Variants in CCDC7 observed in about 807,000 individuals in gnomAD.
CCDC7 encodes coiled-coil domain-containing protein 7.
A neutral mutation model predicts 196.9 loss-of-function variants in CCDC7; 183 were observed. The ratio of observed to expected loss-of-function variants is 0.93; its 90% CI spans 0.82 to 1.05. The LOEUF is 1.05. Ranked by LOEUF, CCDC7 falls within the 50% of genes least tolerant of loss-of-function variation. CCDC7 has a pLI of 0.00. For missense variants in CCDC7, 1,540 were observed against 1,482.2 expected, an observed-to-expected ratio of 1.04 and a Z score of -0.64; for synonymous variants, 525 against 484.6, an observed-to-expected ratio of 1.08 and a Z score of -1.10.
chr10:32,550,025 T>C (rs1347453773), intron 13 of CCDC7, among the ~76,000 whole-genome samples: 1 of 152,176 alleles, frequency 6.6e-6, no homozygotes, highest in East Asian at 1.9e-4. Context: ...TTTCACAATA[T>C]TGATTCCACC....
chr10:32,876,631 A>G (rs781234236), downstream of CCDC7: 187 of 365,730 alleles, frequency 5.1e-4, 1 homozygote, highest in Non-Finnish European at 5.8e-4. Context: ...TCAATTTTAA[A>G]GAAGTTATGC....
chr10:32,598,611 C>T (rs1427008559), intron 18 of CCDC7, among the ~76,000 whole-genome samples: 2 of 152,178 alleles, frequency 1.3e-5, no homozygotes, highest in African/African-American at 4.8e-5. Flanking sequence ...CCTATTCAGC[C>T]ATCTTGGTGC....
At chr10:32,720,685 A>G (rs1176426283) in intron 25 of CCDC7, among the ~76,000 whole-genome samples, 1 of 152,126 alleles carries the variant, frequency 6.6e-6, no homozygotes, top group African/African-American at 2.4e-5. Flanking sequence ...TGTGGCATTC[A>G]GTGCACTTTC....
intron 33 of CCDC7, among the ~76,000 whole-genome samples, chr10:32,844,969 T>C (rs2093194922): frequency 1.3e-5 from 2 of 151,804 alleles, no homozygotes; most frequent in Non-Finnish European, 3.0e-5. Context: ...TCTTAGCAGA[T>C]GCTATTGGAA....
chr10:32,703,489 A>T (rs564660289), intron 24 of CCDC7, among the ~76,000 whole-genome samples: 8 of 151,946 alleles, frequency 5.3e-5, no homozygotes, highest in South Asian at 2.1e-4. Context: ...GACAATTATG[A>T]GTCTTGGAGT....
intron 28 of CCDC7, among the ~76,000 whole-genome samples, chr10:32,732,751 A>T (rs2084199068): frequency 6.6e-6 from 1 of 151,956 alleles, no homozygotes; most frequent in South Asian, 2.1e-4. Flanking sequence ...ACCTTCCCCC[A>T]CCTACATGTA....
intron 20 of CCDC7, among the ~76,000 whole-genome samples, chr10:32,647,379 C>T (rs981808224): frequency 3.3e-5 from 5 of 151,004 alleles, no homozygotes; most frequent in East Asian, 2.0e-4. Flanking sequence ...TGTAGAAGCA[C>T]GTACCTGTAA....
At chr10:32,823,705 T>C (rs920848596) in intron 31 of CCDC7, among the ~76,000 whole-genome samples, 14 of 152,326 alleles carry the variant, frequency 9.2e-5, no homozygotes, top group Admixed American at 9.2e-4. Flanking sequence ...TTATCTGTTT[T>C]TCAATATGAA....
intron 11 of CCDC7, among the ~76,000 whole-genome samples, chr10:32,522,198 G>A (rs1458653929): frequency 2.0e-5 from 3 of 152,174 alleles, no homozygotes; most frequent in Non-Finnish European, 4.4e-5. Flanking sequence ...TGTAGAATGA[G>A]TTTGGAAGTA....
intron 18 of CCDC7, among the ~76,000 whole-genome samples, chr10:32,612,528 C>A (rs1314559166): frequency 6.6e-6 from 1 of 152,070 alleles, no homozygotes; most frequent in Non-Finnish European, 1.5e-5. Flanking sequence ...CAGTTTTTGC[C>A]CATTCAGTAT....
intron 13 of CCDC7, among the ~76,000 whole-genome samples, chr10:32,564,197 T>C (rs1219545313): frequency 4.1e-4 from 62 of 152,314 alleles, no homozygotes; most frequent in Non-Finnish European, 4.4e-5. Context: ...TTTTACACTG[T>C]TGGTGGGACT....
intron 18 of CCDC7, among the ~76,000 whole-genome samples, chr10:32,615,522 G>A (rs1564835436): frequency 6.6e-6 from 1 of 151,600 alleles, no homozygotes; most frequent in African/African-American, 2.4e-5. Context: ...CCTTTTAAAT[G>A]TTTTTTTTCT....
chr10:32,674,322 C>A (rs113497375), intron 21 of CCDC7, among the ~76,000 whole-genome samples: 24 of 151,644 alleles, frequency 1.6e-4, no homozygotes, highest in African/African-American at 5.8e-4. Flanking sequence ...TTCTAATTTC[C>A]CTTTTGATTT....
At chr10:32,679,212 GC>G (rs1565107261) in intron 21 of CCDC7, among the ~76,000 whole-genome samples, 2 of 152,094 alleles carry the variant, frequency 1.3e-5, no homozygotes, top group African/African-American at 4.8e-5. Flanking sequence ...CCAATAAAAG[GC>G]CAATAATTGT....
chr10:32,805,019 T>G, exon 30 of CCDC7: 1 of 1,596,826 alleles, frequency 6.3e-7, no homozygotes, highest in African/African-American at 1.3e-5. Flanking sequence ...CTATAGAGAC[T>G]GATATAGAAA....
At chr10:32,724,214 A>G (rs193294037) in intron 25 of CCDC7, among the ~76,000 whole-genome samples, 1 of 152,110 alleles carries the variant, frequency 6.6e-6, no homozygotes, top group Non-Finnish European at 1.5e-5. Flanking sequence ...TGGGACTCCC[A>G]GACTCTTGCA....
chr10:32,567,418 A>T (rs964973201), intron 14 of CCDC7, among the ~76,000 whole-genome samples: 8 of 152,110 alleles, frequency 5.3e-5, no homozygotes, highest in African/African-American at 1.9e-4. Flanking sequence ...CCTTAAAAAT[A>T]ACAGCCAGGA....
intron 29 of CCDC7, among the ~76,000 whole-genome samples, chr10:32,784,491 T>C (rs1057093467): frequency 6.6e-6 from 1 of 152,206 alleles, no homozygotes; most frequent in African/African-American, 2.4e-5. Context: ...GGTTTTCTGT[T>C]CCTGCGTTAG....
At chr10:32,771,701 T>G (rs1429222186) in intron 28 of CCDC7, among the ~76,000 whole-genome samples, 1 of 152,158 alleles carries the variant, frequency 6.6e-6, no homozygotes, top group Non-Finnish European at 1.5e-5. Flanking sequence ...TCACATAGAC[T>G]CTGTGAAAGT....
Sources: gnomAD v4.1 joint callset for allele counts (sites outside exome capture counted in the v4.1 genomes callset) on GRCh38, gnomAD v4.1.1 for gene constraint, MANE v1.5 for transcripts, NCBI Gene and HGNC (gene_info 2026-07-23, HGNC 2026-07-21) for gene names.